Variants in NDUFA5 observed in about 807,000 individuals in gnomAD.
The protein encoded by NDUFA5 is NADH:ubiquinone oxidoreductase subunit A5.
Under a neutral mutation model 19.8 loss-of-function variants are expected in NDUFA5, and 11 were observed. That is an observed-to-expected ratio of 0.56 (90% confidence interval 0.35 to 0.92). The LOEUF is 0.92. NDUFA5 is among the 40% of genes least tolerant of loss of function. The pLI is 0.01. For synonymous variants in NDUFA5, 47 were observed against 46.8 expected (o/e 1.00, Z -0.01); for missense variants, 109 against 134.2 (o/e 0.81, Z 0.93).
At chr7:123,551,102 G>C (rs1251140425) in intron 2 of NDUFA5, among the ~76,000 whole-genome samples, 1 of 151,698 alleles carries the variant, frequency 6.6e-6, no homozygotes, top group Non-Finnish European at 1.5e-5. Context: ...ATTTTTGGTA[G>C]AGACGGGGTT....
the NDUFA5 span, among the ~76,000 whole-genome samples, chr7:123,565,466 G>C: frequency 6.6e-6 from 1 of 151,786 alleles, no homozygotes. Context: ...ATTTGCTTTA[G>C]GGTTCCCCAG....
the NDUFA5 span, among the ~76,000 whole-genome samples, chr7:123,593,850 C>G: frequency 6.6e-6 from 1 of 152,158 alleles, no homozygotes; most frequent in Non-Finnish European, 1.5e-5. Flanking sequence ...GGGAAGTTCT[C>G]CTGGATAATA....
the NDUFA5 span, among the ~76,000 whole-genome samples, chr7:123,573,363 C>T: frequency 7.8e-6 from 1 of 128,930 alleles, no homozygotes; most frequent in African/African-American, 2.9e-5. Context: ...AATCTTCTTT[C>T]TTCCCATCAC....
intron 2 of NDUFA5, 89 bp from the exon 3 acceptor site, chr7:123,550,675 A>T: frequency 7.9e-6 from 6 of 754,884 alleles, no homozygotes; most frequent in South Asian, 5.4e-5. Flanking sequence ...AACAAACAAA[A>T]CTCACATCTG....
chr7:123,543,451 C>T (rs1036098462), intron 4 of NDUFA5, among the ~76,000 whole-genome samples: 2 of 152,096 alleles, frequency 1.3e-5, no homozygotes, highest in Admixed American at 6.5e-5. Flanking sequence ...TACATGGCTA[C>T]TGGGGACTTG....
At chr7:123,582,651 A>G in the NDUFA5 span, among the ~76,000 whole-genome samples, 2 of 151,810 alleles carry the variant, frequency 1.3e-5, no homozygotes, top group East Asian at 1.9e-4. Flanking sequence ...CCCCTTATAC[A>G]TTATCTCGAA....
At chr7:123,548,097 T>C (rs564690158) in intron 3 of NDUFA5, among the ~76,000 whole-genome samples, 1 of 151,968 alleles carries the variant, frequency 6.6e-6, no homozygotes, top group Non-Finnish European at 1.5e-5. Flanking sequence ...CTAGTAATAA[T>C]CTGAAAAAAA....
chr7:123,546,250 T>C (rs1305418161), intron 3 of NDUFA5, among the ~76,000 whole-genome samples: 1 of 152,130 alleles, frequency 6.6e-6, no homozygotes, highest in African/African-American at 2.4e-5. Context: ...GGTGATTCTC[T>C]TAACCACAGT....
chr7:123,563,980 AG>A, the NDUFA5 span, among the ~76,000 whole-genome samples: 1 of 152,216 alleles, frequency 6.6e-6, no homozygotes, highest in African/African-American at 2.4e-5. Flanking sequence ...ATCAAAAAAA[AG>A]GTTGGTGAAT....
the NDUFA5 span, among the ~76,000 whole-genome samples, chr7:123,578,536 G>T: frequency 6.6e-6 from 1 of 151,932 alleles, no homozygotes; most frequent in East Asian, 1.9e-4. Context: ...TGCAAGCTCA[G>T]TTAATTTCAG....
At chr7:123,581,892 A>G in the NDUFA5 span, among the ~76,000 whole-genome samples, 35,012 of 151,970 alleles carry the variant, frequency 0.23, 4,173 homozygotes, top group East Asian at 0.41. Flanking sequence ...CAAACCATTT[A>G]AAACTATATA....
intron 3 of NDUFA5, among the ~76,000 whole-genome samples, chr7:123,547,939 T>C (rs1176113088): frequency 2.0e-5 from 3 of 152,086 alleles, no homozygotes; most frequent in Non-Finnish European, 2.9e-5. Flanking sequence ...TCGAGGTGGG[T>C]ATTATTATAC....
At chr7:123,547,115 A>ATTCT (rs1324764164) in intron 3 of NDUFA5, among the ~76,000 whole-genome samples, 1 of 152,188 alleles carries the variant, frequency 6.6e-6, no homozygotes, top group African/African-American at 2.4e-5. Flanking sequence ...GCAAGAACAG[A>ATTCT]TTCTACCCAA....
At chr7:123,545,803 A>T (rs3779262) in intron 3 of NDUFA5, 127 bp from the exon 4 acceptor site, 176,286 of 617,704 alleles carry the variant, frequency 0.29, 25,755 homozygotes, top group East Asian at 0.32. Flanking sequence ...TACTCTTTTT[A>T]CTAAATATTT....
chr7:123,568,802 T>C, the NDUFA5 span, among the ~76,000 whole-genome samples: 1 of 152,112 alleles, frequency 6.6e-6, no homozygotes, highest in Non-Finnish European at 1.5e-5. Flanking sequence ...ACAGTAATTA[T>C]TTTAAAAATG....
chr7:123,556,917 A>C (rs769891988), intron 2 of NDUFA5: 11 of 498,488 alleles, frequency 2.2e-5, no homozygotes, highest in South Asian at 1.6e-4. Context: ...AGTGAAGCAA[A>C]GAAATGGTGT....
At chr7:123,557,328 C>T (rs1798594917) in intron 2 of NDUFA5, 76 bp downstream of exon 2, 1 of 1,595,984 alleles carries the variant, frequency 6.3e-7, no homozygotes. Context: ...ATCCCGTTAA[C>T]CCTGCAATAA....
chr7:123,540,854 T>C lies in NDUFA5; in HGVS notation c.*1265A>G, dbSNP rs1797903951. 6.7e-6 allele frequency: 1 copy of C among 150,238 alleles called. No homozygotes were observed. 9.3% of individuals were successfully genotyped at this position (150,238 alleles called of 1,614,324 possible). ...TACTGGAAAGAAGGAAAAATACCAT[T>C]TTTTTCTCATTCTGAGCAAATGTGC... On this transcript the variant is annotated 3_prime_UTR_variant, in exon 5 of 5. Transcript: ENST00000355749.
chr7:123,545,621 A>G lies in NDUFA5; in HGVS notation c.239T>C (p.Val80Ala). Residue 80 changes from valine to alanine, a missense_variant, in exon 4 of 5, where the codon GTG (valine) becomes GCG (alanine). Val to Ala is a moderately conservative substitution (Grantham distance 64, BLOSUM62 0). Transcript: ENST00000355749. ...DQLQGGQLEE[V>A]ILQAEHELNL... ...CAACTTTTTCTTTACCTGAAGAATC[A>G]CCTCTTCTAATTGACCGCCTTGAAG... is the stretch of plus-strand genomic sequence containing the variant. 6.2e-7 allele frequency: 1 copy of G among 1,610,982 alleles called. No individual in the cohort carries two copies. The highest frequency in any genetic ancestry group is 8.5e-7 in the Non-Finnish European group (1 of 1,178,514).
Sources: allele counts gnomAD v4.1 joint callset (sites outside exome capture counted in the v4.1 genomes callset), GRCh38; gene constraint gnomAD v4.1.1; transcripts MANE v1.5; gene names NCBI Gene and HGNC (gene_info 2026-07-23, HGNC 2026-07-21).